ITFG1: variants seen among roughly 807,000 people sequenced by gnomAD.
The protein encoded by ITFG1 is integrin alpha FG-GAP repeat containing 1.
ITFG1 carries 34 observed loss-of-function variants against 81.8 expected under a neutral mutation model. The ratio of observed to expected loss-of-function variants is 0.42; its 90% CI spans 0.32 to 0.55. The LOEUF is 0.55. ITFG1 is among the 20% of genes least tolerant of loss of function. The pLI is 0.17. For missense variants in ITFG1, 672 were observed against 755.4 expected (o/e 0.89, Z 1.29); for synonymous variants, 285 against 270.6 (o/e 1.05, Z -0.52).
intron 14 of ITFG1, among the ~76,000 whole-genome samples, chr16:47,205,452 T>G (rs187000673): frequency 7.3e-4 from 111 of 152,322 alleles, no homozygotes; most frequent in Non-Finnish European, 4.9e-4. Flanking sequence ...TGCAAGTCAG[T>G]GTATTTCTGA....
At chr16:47,377,128 T>C (rs1371834159) in intron 6 of ITFG1, among the ~76,000 whole-genome samples, 9 of 152,138 alleles carry the variant, frequency 5.9e-5, no homozygotes, top group Non-Finnish European at 1.2e-4. Context: ...TTGATGAAGC[T>C]AATTTATCTA....
chr16:47,232,600 T>C (rs1965827632), intron 13 of ITFG1, among the ~76,000 whole-genome samples: 1 of 151,338 alleles, frequency 6.6e-6, no homozygotes, highest in Non-Finnish European at 1.5e-5. Context: ...TTTTTGAAGT[T>C]GGGTATGGGC....
At chr16:47,430,052 CTTTTCTT>C (rs1969074403) in intron 5 of ITFG1, among the ~76,000 whole-genome samples, 2 of 142,832 alleles carry the variant, frequency 1.4e-5, no homozygotes, top group Non-Finnish European at 3.1e-5. Flanking sequence ...TGTCTTTTTA[CTTTTCTT>C]TTTTTTTTTT....
At chr16:47,397,698 G>A (rs982964850) in intron 6 of ITFG1, among the ~76,000 whole-genome samples, 6 of 152,160 alleles carry the variant, frequency 3.9e-5, no homozygotes, top group Non-Finnish European at 2.9e-5. Flanking sequence ...ACAGTACCAC[G>A]ATTAAGAAAC....
At chr16:47,315,200 AC>A (rs1967333809) in intron 8 of ITFG1, among the ~76,000 whole-genome samples, 1 of 152,166 alleles carries the variant, frequency 6.6e-6, no homozygotes, top group East Asian at 1.9e-4. Flanking sequence ...GTAATTTGCA[AC>A]ATATAGATTT....
intron 14 of ITFG1, among the ~76,000 whole-genome samples, chr16:47,164,680 C>A (rs1964864203): frequency 6.6e-6 from 1 of 152,218 alleles, no homozygotes; most frequent in Non-Finnish European, 1.5e-5. Context: ...ATGTTGCCAG[C>A]AGATTACTGT....
At chr16:47,453,545 T>G (rs1162622265) in intron 3 of ITFG1, among the ~76,000 whole-genome samples, 2 of 152,250 alleles carry the variant, frequency 1.3e-5, no homozygotes, top group Admixed American at 6.5e-5. Flanking sequence ...TTCTCTGCTA[T>G]TTCTATCTGT....
At chr16:47,393,170 C>T (rs1275716133) in intron 6 of ITFG1, among the ~76,000 whole-genome samples, 1 of 152,148 alleles carries the variant, frequency 6.6e-6, no homozygotes, top group Non-Finnish European at 1.5e-5. Flanking sequence ...AACTTAGATG[C>T]TTAGGAAGAG....
intron 5 of ITFG1, among the ~76,000 whole-genome samples, chr16:47,433,479 T>C (rs1290756085): frequency 5.9e-5 from 9 of 152,308 alleles, no homozygotes; most frequent in African/African-American, 2.2e-4. Context: ...CTGGTTTCCT[T>C]CCTGGCGCCT....
intron 6 of ITFG1, among the ~76,000 whole-genome samples, chr16:47,405,306 T>C (rs16945353): frequency 0.12 from 18,200 of 152,176 alleles, 2,398 homozygotes; most frequent in African/African-American, 0.33. Flanking sequence ...ATGTCTGTAA[T>C]GTCTAAGTAT....
chr16:47,187,271 C>T (rs2151516086), intron 14 of ITFG1, among the ~76,000 whole-genome samples: 1 of 152,246 alleles, frequency 6.6e-6, no homozygotes, highest in South Asian at 2.1e-4. Context: ...CTTTAACGTT[C>T]ATATGGAAAC....
chr16:47,343,437 T>C lies in ITFG1; in HGVS notation c.802+22351A>G, dbSNP rs561990878. 1.2e-3 allele frequency among the ~76,000 whole-genome samples: 179 copies of C among 152,238 alleles called. 2 individuals are homozygous for C. The highest frequency in any genetic ancestry group is 2.0e-3 in the Non-Finnish European group (135 of 67,954). On this transcript the variant is annotated intron_variant, in intron 8 of 17. Transcript: ENST00000320640. ...TATTTTCCCATCACATCTGTTTACATAGATATGTTTAAATATGCACATAAA... is the reference window on the plus strand; with the variant it reads ...TATTTTCCCATCACATCTGTTTACACAGATATGTTTAAATATGCACATAAA...
intron 14 of ITFG1, among the ~76,000 whole-genome samples, chr16:47,201,198 T>C (rs1965420551): frequency 6.6e-6 from 1 of 151,498 alleles, no homozygotes; most frequent in Admixed American, 6.6e-5. Context: ...TGAATTTATA[T>C]TTAGGAGAAT....
chr16:47,230,370 C>T (rs905721246), intron 13 of ITFG1, among the ~76,000 whole-genome samples: 2 of 151,946 alleles, frequency 1.3e-5, no homozygotes, highest in Non-Finnish European at 2.9e-5. Context: ...AAAGGCTAGA[C>T]GATAACAGTG....
intron 14 of ITFG1, among the ~76,000 whole-genome samples, chr16:47,190,952 C>CT (rs1232832832): frequency 6.6e-6 from 1 of 151,990 alleles, no homozygotes; most frequent in East Asian, 1.9e-4. Context: ...AATAGCCTGG[C>CT]TTTTTTCACA....
chr16:47,453,950 T>C (rs933354534), intron 3 of ITFG1, 63 bp downstream of exon 3: 1 of 1,046,560 alleles, frequency 9.6e-7, no homozygotes, highest in Non-Finnish European at 1.4e-6. Flanking sequence ...TTCAGAACAA[T>C]ATTTTGTTAC....
At chr16:47,304,325 G>C (rs758348118) in intron 10 of ITFG1, among the ~76,000 whole-genome samples, 6 of 152,154 alleles carry the variant, frequency 3.9e-5, no homozygotes, top group Non-Finnish European at 8.8e-5. Flanking sequence ...TTCAGGGTAG[G>C]TATAACCACC....
intron 6 of ITFG1, among the ~76,000 whole-genome samples, chr16:47,408,004 G>C (rs1968751126): frequency 1.3e-5 from 2 of 152,028 alleles, no homozygotes; most frequent in South Asian, 4.2e-4. Flanking sequence ...TGACACTCAG[G>C]GTATTACTGT....
At chr16:47,398,370 G>T (rs1170384626) in intron 6 of ITFG1, among the ~76,000 whole-genome samples, 1 of 152,084 alleles carries the variant, frequency 6.6e-6, no homozygotes, top group Admixed American at 6.5e-5. Flanking sequence ...CTAGATTTTG[G>T]AAATATTCAC....
Sources: allele counts gnomAD v4.1 joint callset (sites outside exome capture counted in the v4.1 genomes callset), GRCh38; gene constraint gnomAD v4.1.1; transcripts MANE v1.5; gene names NCBI Gene and HGNC (gene_info 2026-07-23, HGNC 2026-07-21).